The following TMEM178B variants were observed in gnomAD, a reference collection of about 807,000 sequenced individuals.
The protein encoded by TMEM178B is transmembrane protein 178B.
A neutral mutation model predicts 31.0 loss-of-function variants in TMEM178B; 5 were observed. The observed-to-expected ratio is 0.16, with a 90% CI of 0.08 to 0.34. The LOEUF (loss-of-function observed/expected upper bound fraction) is 0.34. Ranked by LOEUF, TMEM178B falls within the 10% of genes least tolerant of loss-of-function variation. TMEM178B has a pLI of 1.00. For synonymous variants in TMEM178B, 164 were observed against 164.0 expected (o/e 1.00, Z 0.00); for missense variants, 275 against 400.3 (o/e 0.69, Z 2.67).
At chr7:141,288,132 C>G (rs1302800001) in intron 2 of TMEM178B, among the ~76,000 whole-genome samples, 1 of 152,156 alleles carries the variant, frequency 6.6e-6, no homozygotes, top group Non-Finnish European at 1.5e-5. Flanking sequence ...GTCCCTGTCA[C>G]TTCAATGCTC....
At chr7:141,410,930 A>G (rs1028202896) in intron 2 of TMEM178B, among the ~76,000 whole-genome samples, 1 of 152,220 alleles carries the variant, frequency 6.6e-6, no homozygotes, top group Non-Finnish European at 1.5e-5. Flanking sequence ...AACCTGGAGA[A>G]CATGCTAAGT....
chr7:141,290,818 A>C (rs1798533632), intron 2 of TMEM178B, among the ~76,000 whole-genome samples: 1 of 152,226 alleles, frequency 6.6e-6, no homozygotes, highest in African/African-American at 2.4e-5. Context: ...CTTGGAAGGC[A>C]GGAGGCATAG....
chr7:141,290,778 A>G (rs1217452469), intron 2 of TMEM178B, among the ~76,000 whole-genome samples: 2 of 152,174 alleles, frequency 1.3e-5, no homozygotes, highest in Non-Finnish European at 2.9e-5. Context: ...GCCTGCAGAT[A>G]TGACTTATCT....
At chr7:141,169,234 A>G (rs1029502213) in intron 1 of TMEM178B, among the ~76,000 whole-genome samples, 1 of 151,938 alleles carries the variant, frequency 6.6e-6, no homozygotes, top group Non-Finnish European at 1.5e-5. Context: ...TGTGTTGTTC[A>G]CCTCTATGTG....
chr7:141,153,819 A>G (rs1188011986), intron 1 of TMEM178B, among the ~76,000 whole-genome samples: 1 of 152,174 alleles, frequency 6.6e-6, no homozygotes, highest in Non-Finnish European at 1.5e-5. Context: ...GTCCTATGTT[A>G]CAGATATTTT....
At chr7:141,467,702 A>G (rs928079574) in intron 3 of TMEM178B, among the ~76,000 whole-genome samples, 1 of 152,202 alleles carries the variant, frequency 6.6e-6, no homozygotes, top group Non-Finnish European at 1.5e-5. Context: ...GTGCTTGCCC[A>G]GTATCTGGGG....
At chr7:141,223,985 T>A (rs1294722064) in intron 2 of TMEM178B, among the ~76,000 whole-genome samples, 1 of 152,164 alleles carries the variant, frequency 6.6e-6, no homozygotes, top group African/African-American at 2.4e-5. Context: ...AATTCTCACC[T>A]GTTGTGGGAG....
intron 2 of TMEM178B, among the ~76,000 whole-genome samples, chr7:141,305,157 C>T (rs1798794935): frequency 6.6e-6 from 1 of 152,158 alleles, no homozygotes; most frequent in Non-Finnish European, 1.5e-5. Context: ...GAACCTCAAT[C>T]ACCTTTCCAG....
intron 2 of TMEM178B, among the ~76,000 whole-genome samples, chr7:141,294,726 C>G (rs970186063): frequency 1.3e-5 from 2 of 152,142 alleles, no homozygotes; most frequent in Non-Finnish European, 2.9e-5. Flanking sequence ...GAAGACCAGA[C>G]TCCTTGAGAG....
At chr7:141,480,466 G>A (rs1285613291), downstream of TMEM178B, 1 of 152,314 alleles carries the variant, frequency 6.6e-6, no homozygotes, top group East Asian at 1.9e-4. Context: ...TTTCCCTCAG[G>A]TTCTGTATAG....
intron 3 of TMEM178B, among the ~76,000 whole-genome samples, chr7:141,450,590 G>T (rs73512200): frequency 0.056 from 8,499 of 152,202 alleles, 706 homozygotes; most frequent in African/African-American, 0.19. Context: ...ACCCAAAAAG[G>T]GGGGAAAGGG....
chr7:141,337,211 A>T, intron 2 of TMEM178B, among the ~76,000 whole-genome samples: 1 of 106,920 alleles, frequency 9.4e-6, no homozygotes, highest in Non-Finnish European at 1.9e-5. Flanking sequence ...CACCACCACC[A>T]TCACCACCAC....
chr7:141,090,651 G>C (rs1294746325), intron 1 of TMEM178B, among the ~76,000 whole-genome samples: 1 of 152,186 alleles, frequency 6.6e-6, no homozygotes, highest in African/African-American at 2.4e-5. Flanking sequence ...GGGAAAACAT[G>C]GTGGGTATCT....
At chr7:141,302,130 A>G (rs1798738251) in intron 2 of TMEM178B, among the ~76,000 whole-genome samples, 2 of 152,334 alleles carry the variant, frequency 1.3e-5, no homozygotes, top group South Asian at 4.1e-4. Flanking sequence ...GTGAGGTGCT[A>G]TGTCTATGTT....
chr7:141,332,315 G>A (rs1426791751), intron 2 of TMEM178B, among the ~76,000 whole-genome samples: 1 of 152,098 alleles, frequency 6.6e-6, no homozygotes, highest in East Asian at 1.9e-4. Flanking sequence ...ATAAACAAAA[G>A]GAAAATAAGC....
At chr7:141,431,128 C>T (rs897085386) in intron 2 of TMEM178B, 2 of 151,602 alleles carry the variant, frequency 1.3e-5, no homozygotes, top group African/African-American at 4.9e-5. Context: ...CAGTAATTAC[C>T]ATCGCAACAA....
intron 2 of TMEM178B, 132 bp downstream of exon 2, chr7:141,212,836 C>A: frequency 1.4e-6 from 1 of 696,324 alleles, no homozygotes; most frequent in Non-Finnish European, 2.3e-6. Flanking sequence ...CATAAAGTGC[C>A]AATATCTTTG....
At chr7:141,486,908 G>A in the TMEM178B span, among the ~76,000 whole-genome samples, 12 of 152,096 alleles carry the variant, frequency 7.9e-5, no homozygotes, top group Admixed American at 3.3e-4. Flanking sequence ...GGTGCTAAGC[G>A]TGTGGTTTTA....
At chr7:141,278,138 G>A (rs923689298) in intron 2 of TMEM178B, among the ~76,000 whole-genome samples, 1 of 152,178 alleles carries the variant, frequency 6.6e-6, no homozygotes, top group East Asian at 1.9e-4. Flanking sequence ...CATAGATGTC[G>A]GCAGTGGGAA....
Sources: allele counts gnomAD v4.1 joint callset (sites outside exome capture counted in the v4.1 genomes callset), GRCh38; gene constraint gnomAD v4.1.1; transcripts MANE v1.5; gene names NCBI Gene and HGNC (gene_info 2026-07-23, HGNC 2026-07-21).